Variants in ASTN2 observed in about 807,000 individuals in gnomAD.
The protein encoded by ASTN2 is astrotactin-2.
Under a neutral mutation model 139.8 loss-of-function variants are expected in ASTN2, and 54 were observed. The observed-to-expected ratio is 0.39, with a 90% CI of 0.31 to 0.48. ASTN2 has a LOEUF of 0.48. Among genes scored for constraint, ASTN2 ranks in the 20% least tolerant of loss-of-function variants. The pLI, the probability that ASTN2 is intolerant of heterozygous loss-of-function variation, is 0.95. For synonymous variants in ASTN2, 756 were observed against 719.5 expected (o/e 1.05, Z -0.81); for missense variants, 1,565 against 1,725.1 (o/e 0.91, Z 1.64).
chr9:116,865,150 A>G (rs7034422), intron 10 of ASTN2, among the ~76,000 whole-genome samples: 137,584 of 151,974 alleles, frequency 0.91, 62,389 homozygotes, highest in African/African-American at 0.93. Context: ...GTTTATTGCC[A>G]AGCCCTCTTG....
At chr9:117,169,343 C>T (rs1012245008) in intron 3 of ASTN2, among the ~76,000 whole-genome samples, 3 of 151,984 alleles carry the variant, frequency 2.0e-5, no homozygotes, top group Non-Finnish European at 4.4e-5. Flanking sequence ...AAGTAAAACG[C>T]TTTATCAAAC....
chr9:117,141,123 T>C (rs1267583112), intron 4 of ASTN2, among the ~76,000 whole-genome samples: 4 of 152,158 alleles, frequency 2.6e-5, no homozygotes, highest in African/African-American at 9.7e-5. Context: ...TCATTCTCAG[T>C]TGAGGCACCT....
chr9:116,838,253 G>A (rs1832076016), intron 11 of ASTN2, among the ~76,000 whole-genome samples: 1 of 151,864 alleles, frequency 6.6e-6, no homozygotes, highest in South Asian at 2.1e-4. Context: ...GGGATTACAG[G>A]CATGCACCAA....
intron 2 of ASTN2, among the ~76,000 whole-genome samples, chr9:117,262,251 A>G (rs762806819): frequency 2.6e-5 from 4 of 152,098 alleles, no homozygotes; most frequent in Non-Finnish European, 5.9e-5. Context: ...CAAGACTGCA[A>G]TTTGTTTTTC....
intron 19 of ASTN2, among the ~76,000 whole-genome samples, chr9:116,589,346 C>T (rs1854285670): frequency 6.6e-6 from 1 of 152,176 alleles, no homozygotes; most frequent in African/African-American, 2.4e-5. Flanking sequence ...CAAACATTTA[C>T]TTTGATGAAT....
rs1303588255 is a variant in ASTN2, at chr9:116,799,215, C to G, written c.2396+6417G>C. 4.6e-5 allele frequency among the ~76,000 whole-genome samples: 7 copies of G among 152,036 alleles called. No individual in the cohort carries two copies. In the East Asian group the frequency reaches 1.4e-3, roughly 29 times the overall value. On this transcript the variant is annotated intron_variant, in intron 13 of 22. Transcript: ENST00000313400. ...TTGGAGACCACTTAATAAGAACTGA[C>G]TCAGTATCCTCAGTGGGGGAATGAG...
At chr9:116,568,818 C>T (rs549300980) in intron 19 of ASTN2, 1 of 152,298 alleles carries the variant, frequency 6.6e-6, no homozygotes, top group African/African-American at 2.4e-5. Context: ...GGATCCCCCT[C>T]CCGAAGGAGC....
intron 2 of ASTN2, among the ~76,000 whole-genome samples, chr9:117,236,054 C>A (rs768183367): frequency 6.6e-6 from 1 of 152,190 alleles, no homozygotes; most frequent in Non-Finnish European, 1.5e-5. Flanking sequence ...CCCTGGGAAT[C>A]TGGTGACATA....
intron 13 of ASTN2, among the ~76,000 whole-genome samples, chr9:116,799,970 A>T (rs1830801287): frequency 6.6e-6 from 1 of 152,144 alleles, no homozygotes; most frequent in Non-Finnish European, 1.5e-5. Flanking sequence ...ACAGAACTTG[A>T]CATTTTACCA....
At chr9:117,243,142 T>A (rs1833265161) in intron 2 of ASTN2, among the ~76,000 whole-genome samples, 2 of 152,172 alleles carry the variant, frequency 1.3e-5, no homozygotes, top group African/African-American at 4.8e-5. Flanking sequence ...CTTAGCAAGG[T>A]CATGTGATAT....
intron 7 of ASTN2, among the ~76,000 whole-genome samples, chr9:116,977,673 A>G (rs1402443505): frequency 6.6e-6 from 1 of 150,962 alleles, no homozygotes; most frequent in African/African-American, 2.4e-5. Flanking sequence ...AGCTGTTGTC[A>G]TATCTGCTCT....
chr9:117,192,808 T>G (rs1831382900), intron 3 of ASTN2, among the ~76,000 whole-genome samples: 1 of 152,170 alleles, frequency 6.6e-6, no homozygotes, highest in African/African-American at 2.4e-5. Context: ...ACCATCAAAC[T>G]CTCTGTATTT....
At chr9:116,873,064 T>C (rs1833207495) in intron 10 of ASTN2, among the ~76,000 whole-genome samples, 1 of 152,202 alleles carries the variant, frequency 6.6e-6, no homozygotes, top group Non-Finnish European at 1.5e-5. Flanking sequence ...ATGGCAATAA[T>C]AGTTAATGCT....
chr9:116,532,719 A>G (rs1177835536), intron 19 of ASTN2, among the ~76,000 whole-genome samples: 1 of 152,250 alleles, frequency 6.6e-6, no homozygotes, highest in South Asian at 2.1e-4. Flanking sequence ...CCATTGGTCT[A>G]TATCTCTGTT....
intron 7 of ASTN2, among the ~76,000 whole-genome samples, chr9:116,992,754 A>T (rs1564374507): frequency 6.6e-6 from 1 of 152,178 alleles, no homozygotes; most frequent in African/African-American, 2.4e-5. Context: ...CTCAACTCTG[A>T]TGTCAAAGCA....
At chr9:116,992,051 C>T (rs781423549) in intron 7 of ASTN2, among the ~76,000 whole-genome samples, 2 of 152,164 alleles carry the variant, frequency 1.3e-5, no homozygotes, top group Non-Finnish European at 1.5e-5. Flanking sequence ...ATGCCAGAAA[C>T]CAGCACCACC....
chr9:116,986,166 C>A (rs149780083), intron 7 of ASTN2, among the ~76,000 whole-genome samples: 3 of 132,596 alleles, frequency 2.3e-5, no homozygotes, highest in Non-Finnish European at 3.2e-5. Context: ...GGCTGCCCCC[C>A]CCCACCCCCC....
At chr9:117,137,035 A>G (rs1275733880) in intron 4 of ASTN2, among the ~76,000 whole-genome samples, 2 of 149,688 alleles carry the variant, frequency 1.3e-5, no homozygotes, top group South Asian at 2.1e-4. Flanking sequence ...CTGTACATCC[A>G]AAGAAATCTT....
intron 10 of ASTN2, among the ~76,000 whole-genome samples, chr9:116,908,001 T>C (rs1773699958): frequency 6.6e-6 from 1 of 152,134 alleles, no homozygotes; most frequent in South Asian, 2.1e-4. Flanking sequence ...ATTAGCTAAA[T>C]GCGGATAGCC....
Sources: gnomAD v4.1 joint callset for allele counts (sites outside exome capture counted in the v4.1 genomes callset) on GRCh38, gnomAD v4.1.1 for gene constraint, MANE v1.5 for transcripts, NCBI Gene and HGNC (gene_info 2026-07-23, HGNC 2026-07-21) for gene names.